VAC14: variants seen among roughly 807,000 people sequenced by gnomAD.
VAC14 encodes VAC14 component of PIKFYVE complex.
In VAC14, 47 loss-of-function variants were observed where a neutral mutation model predicts 85.3. That is an observed-to-expected ratio of 0.55 (90% CI 0.44 to 0.70). The LOEUF is 0.70. Ranked by LOEUF, VAC14 falls within the 30% of genes least tolerant of loss-of-function variation. The probability of loss-of-function intolerance (pLI) is 0.00; values close to 1 mark genes in which losing one functional copy is unlikely to be tolerated. For missense variants in VAC14, 861 were observed against 1,004.3 expected (o/e 0.86, Z 1.93); for synonymous variants, 447 against 430.5 (o/e 1.04, Z -0.47).
chr16:70,717,330 G>C (rs1402240650), intron 14 of VAC14, among the ~76,000 whole-genome samples: 1 of 152,262 alleles, frequency 6.6e-6, no homozygotes, highest in African/African-American at 2.4e-5. Flanking sequence ...AGGAGGAAGA[G>C]CCAGCTGTGG....
chr16:70,754,863 C>A (rs2031701720), intron 12 of VAC14, among the ~76,000 whole-genome samples: 1 of 152,088 alleles, frequency 6.6e-6, no homozygotes, highest in African/African-American at 2.4e-5. Context: ...GGGAAGTGAA[C>A]ACTGAGGCAA....
intron 15 of VAC14, among the ~76,000 whole-genome samples, chr16:70,698,216 G>A (rs1290475613): frequency 6.6e-6 from 1 of 152,188 alleles, no homozygotes; most frequent in African/African-American, 2.4e-5. Flanking sequence ...AGGGCGAGAA[G>A]AGCTGTTAAC....
In VAC14 at chr16:70,695,563, A is replaced by C; in HGVS notation, c.2016T>G (p.Ile672Met). 1 of 1,613,966 alleles carries C rather than the reference A, an allele frequency of 6.2e-7. No individual in the cohort carries two copies. The highest frequency in any genetic ancestry group is 1.3e-5 in the African/African-American group (1 of 75,040). ...LAEVDKLVQL[I>M]ECPIFTYLRL... ...TCTTACATGTGAAGATGGGGCACTC[A>C]ATCAGCTGCACCAGCTTGTCCACCT... Residue 672 changes from isoleucine to methionine, a missense_variant, in exon 17 of 19, where the codon ATT (isoleucine) becomes ATG (methionine). Coordinates refer to ENST00000261776, the MANE Select transcript of VAC14 (RefSeq NM_018052.5).
At chr16:70,727,925 G>C (rs1212773421) in intron 14 of VAC14, among the ~76,000 whole-genome samples, 3 of 152,234 alleles carry the variant, frequency 2.0e-5, no homozygotes, top group Non-Finnish European at 4.4e-5. Flanking sequence ...AGCTGGGCCA[G>C]GTGGCTGTCC....
At chr16:70,734,490 A>G (rs891247551) in intron 13 of VAC14, among the ~76,000 whole-genome samples, 2 of 152,290 alleles carry the variant, frequency 1.3e-5, no homozygotes, top group Non-Finnish European at 2.9e-5. Context: ...ATTAAGCCCA[A>G]TGTGTCTATT....
intron 13 of VAC14, among the ~76,000 whole-genome samples, chr16:70,740,421 A>G (rs1240749768): frequency 6.6e-6 from 1 of 152,224 alleles, no homozygotes; most frequent in Non-Finnish European, 1.5e-5. Context: ...GGGTCTCCCC[A>G]GGCCTGGCTG....
At chr16:70,697,085 G>A in intron 16 of VAC14, 54 bp downstream of exon 16, 1 of 1,472,504 alleles carries the variant, frequency 6.8e-7, no homozygotes, top group Non-Finnish European at 9.5e-7. Flanking sequence ...GGGGCAGCCG[G>A]CCCCTTCCTG....
chr16:70,775,762 T>C (rs766860543), intron 9 of VAC14, among the ~76,000 whole-genome samples: 5 of 152,204 alleles, frequency 3.3e-5, no homozygotes, highest in East Asian at 1.9e-4. Flanking sequence ...CTTTTAGAAA[T>C]ACCCACATTT....
At chr16:70,793,923 C>T (rs1311350267) in intron 1 of VAC14, among the ~76,000 whole-genome samples, 1 of 152,110 alleles carries the variant, frequency 6.6e-6, no homozygotes, top group Non-Finnish European at 1.5e-5. Flanking sequence ...TAGGTTGGAC[C>T]TAGGAATGAA....
intron 14 of VAC14, chr16:70,700,341 G>T (rs1358980110): frequency 6.6e-6 from 1 of 152,198 alleles, no homozygotes; most frequent in African/African-American, 2.4e-5. Context: ...CACGAGTGAG[G>T]GCCGCTTCAT....
intron 1 of VAC14, among the ~76,000 whole-genome samples, chr16:70,791,064 GCCGACCT>G (rs1272239181): frequency 6.6e-6 from 1 of 152,204 alleles, no homozygotes; most frequent in African/African-American, 2.4e-5. Context: ...ACAGGGCCAG[GCCGACCT>G]CTGACCTCTG....
chr16:70,787,568 G>A (rs1283900489), intron 1 of VAC14, among the ~76,000 whole-genome samples: 1 of 152,208 alleles, frequency 6.6e-6, no homozygotes. Flanking sequence ...TGGACACAAA[G>A]GCCAGGCCTC....
At chr16:70,698,877 G>A in intron 14 of VAC14, 66 bp from the exon 15 acceptor site, 1 of 1,567,368 alleles carries the variant, frequency 6.4e-7, no homozygotes, top group East Asian at 2.3e-5. Context: ...CTCAGCCTGG[G>A]AGGCCTCCTC....
intron 1 of VAC14, among the ~76,000 whole-genome samples, chr16:70,797,116 T>C (rs866995222): frequency 1.3e-5 from 2 of 152,342 alleles, no homozygotes; most frequent in Non-Finnish European, 1.5e-5. Flanking sequence ...TTTGTTACTA[T>C]GGGTCTTACT....
At chr16:70,690,646 T>C in intron 18 of VAC14, 2 of 985,144 alleles carry the variant, frequency 2.0e-6, no homozygotes, top group Non-Finnish European at 1.2e-6. Flanking sequence ...CTCCCAGCTG[T>C]TCCCAGCTCC....
intron 17 of VAC14, among the ~76,000 whole-genome samples, chr16:70,694,678 C>T (rs1464238139): frequency 6.6e-6 from 1 of 152,350 alleles, no homozygotes; most frequent in South Asian, 2.1e-4. Context: ...CCTGGCTTCT[C>T]TGCACATTAT....
chr16:70,693,974 C>A (rs2053653587), intron 17 of VAC14, among the ~76,000 whole-genome samples: 1 of 152,200 alleles, frequency 6.6e-6, no homozygotes, highest in South Asian at 2.1e-4. Context: ...GAGACCCCCA[C>A]CACCACTGTC....
chr16:70,781,025 A>G, intron 8 of VAC14, 86 bp from the exon 9 acceptor site: 2 of 1,566,212 alleles, frequency 1.3e-6, no homozygotes, highest in East Asian at 4.6e-5. Context: ...CCAGTGTTGG[A>G]GGTGGGGCCT....
At chr16:70,749,028 G>A (rs371381264) in intron 12 of VAC14, among the ~76,000 whole-genome samples, 5 of 152,348 alleles carry the variant, frequency 3.3e-5, no homozygotes, top group African/African-American at 9.6e-5. Context: ...GAGGATGGGA[G>A]CCTCAGTTTC....
Sources: gnomAD v4.1 joint callset for allele counts (sites outside exome capture counted in the v4.1 genomes callset) on GRCh38, gnomAD v4.1.1 for gene constraint, MANE v1.5 for transcripts, NCBI Gene and HGNC (gene_info 2026-07-23, HGNC 2026-07-21) for gene names.